The following C12orf42 variants were observed in gnomAD, a reference collection of about 807,000 sequenced individuals.
C12orf42 encodes the protein chromosome 12 open reading frame 42.
A neutral mutation model predicts 21.6 loss-of-function variants in C12orf42; 25 were observed. That is an observed-to-expected ratio of 1.16 (90% CI 0.84 to 1.62). The LOEUF (loss-of-function observed/expected upper bound fraction) is 1.62, where lower values mean the gene tolerates loss of function less well. Ranked by LOEUF, C12orf42 falls within the 40% of genes most tolerant of loss-of-function variation. C12orf42 has a pLI of 0.00. For missense variants in C12orf42, 483 were observed against 459.3 expected (o/e 1.05, Z -0.47); for synonymous variants, 174 against 175.0 (o/e 0.99, Z 0.05).
chr12:103,182,705 G>C, the C12orf42 span, among the ~76,000 whole-genome samples: 1 of 152,034 alleles, frequency 6.6e-6, no homozygotes, highest in Non-Finnish European at 1.5e-5. Context: ...GAAGTTGTTA[G>C]AAATAATACA....
the C12orf42 span, among the ~76,000 whole-genome samples, chr12:103,073,025 G>T: frequency 6.6e-6 from 1 of 152,124 alleles, no homozygotes; most frequent in Non-Finnish European, 1.5e-5. Flanking sequence ...TATGTCCTTT[G>T]CCAGGACATG....
At chr12:103,347,778 C>T (rs1263431045) in intron 4 of C12orf42, among the ~76,000 whole-genome samples, 2 of 152,134 alleles carry the variant, frequency 1.3e-5, no homozygotes, top group African/African-American at 2.4e-5. Context: ...GGAGCCCCAA[C>T]TGACTAAAAA....
At chr12:103,530,626 C>CGGG in the C12orf42 span, among the ~76,000 whole-genome samples, 128 of 150,886 alleles carry the variant, frequency 8.5e-4, no homozygotes, top group South Asian at 2.8e-3. Flanking sequence ...GGCAAGTGTT[C>CGGG]GGGGGGGGAA....
At chr12:103,163,739 C>A in the C12orf42 span, among the ~76,000 whole-genome samples, 1 of 152,114 alleles carries the variant, frequency 6.6e-6, no homozygotes, top group Non-Finnish European at 1.5e-5. Flanking sequence ...TTCATCCCAG[C>A]CCCCAGTGAT....
the C12orf42 span, chr12:103,506,030 C>A: frequency 9.4e-6 from 2 of 212,826 alleles, no homozygotes; most frequent in South Asian, 8.5e-5. Context: ...CTTCTGTGGC[C>A]ATCTTGGTTA....
intron 1 of C12orf42, among the ~76,000 whole-genome samples, chr12:103,489,227 G>A (rs761425118): frequency 6.6e-6 from 1 of 152,194 alleles, no homozygotes. Context: ...GTCTGTTGGA[G>A]TTTACTGGAG....
chr12:103,445,289 G>A lies in C12orf42; in HGVS notation c.78+33060C>T, dbSNP rs577922133. 9.1e-4 allele frequency among the ~76,000 whole-genome samples: 138 copies of A among 152,136 alleles called. 1 individual carries two copies. The highest frequency in any genetic ancestry group is 4.6e-3 in the East Asian group (24 of 5,176). ...TTGGTGGGGAAAAATCCCACGTTTTGTCTGTGTTGATTGTTGTGGTGTGAG... is the reference window on the plus strand; with the variant it reads ...TTGGTGGGGAAAAATCCCACGTTTTATCTGTGTTGATTGTTGTGGTGTGAG... On this transcript the variant is annotated intron_variant, in intron 2 of 5. Coordinates refer to ENST00000548883, the MANE Select transcript of C12orf42 (RefSeq NM_198521.5).
In C12orf42 at chr12:103,305,981, T is replaced by C. The variant is rs773897801; in HGVS notation, c.624A>G (p.Lys208=). Residue 208 remains lysine, a synonymous_variant, in exon 5 of 6, where the codon AAA becomes AAG. Coordinates refer to ENST00000548883, the MANE Select transcript of C12orf42 (RefSeq NM_198521.5). The part of the protein sequence containing the change: ...PKGQPLSSPK[K]NSGSAARPST... ...CCACAACATGATACTTACCAGAATT[T>C]TTCTTGGGACTGCTCAAGGGCTGGC... 8.1e-6 allele frequency: 13 copies of C among 1,598,362 alleles called. No homozygotes were observed. Among genetic ancestry groups the C allele is most frequent in the South Asian group, 1.1e-5 (1 of 90,290 alleles).
At chr12:103,177,957 G>C in the C12orf42 span, among the ~76,000 whole-genome samples, 1 of 152,168 alleles carries the variant, frequency 6.6e-6, no homozygotes, top group East Asian at 1.9e-4. Context: ...TTGCAGAAAA[G>C]AATAAAGCGT....
chr12:103,397,442 T>C lies in C12orf42; in HGVS notation c.147+4165A>G, dbSNP rs138443884. On this transcript the variant is annotated intron_variant, in intron 3 of 5. Transcript: ENST00000548883. The stretch of plus-strand genomic sequence containing the variant: ...CCTCCTGTAAGATCAGTGGTGGCAC[T>C]AGATTATCACAGGAGCTCGAACCCT... Among the ~76,000 whole-genome samples the C allele has an allele frequency of 8.6e-3, 1,310 of 152,306 alleles. 37 individuals are homozygous for C. The highest frequency in any genetic ancestry group is 0.035 in the Admixed American group (540 of 15,298).
chr12:103,118,234 C>G, the C12orf42 span, among the ~76,000 whole-genome samples: 1 of 152,196 alleles, frequency 6.6e-6, no homozygotes, highest in African/African-American at 2.4e-5. Context: ...TGATGTCTTT[C>G]TATCTCCGGT....
the C12orf42 span, among the ~76,000 whole-genome samples, chr12:103,168,723 C>T: frequency 2.6e-5 from 4 of 152,212 alleles, no homozygotes; most frequent in East Asian, 7.7e-4. Context: ...ATGTTTATTG[C>T]AGCACTATTC....
At chr12:103,274,128 C>T (rs754027418) in intron 5 of C12orf42, among the ~76,000 whole-genome samples, 28 of 152,156 alleles carry the variant, frequency 1.8e-4, no homozygotes, top group Non-Finnish European at 1.0e-4. Flanking sequence ...CTCACAACAT[C>T]CTAGGAAATA....
At chr12:103,210,567 A>C in the C12orf42 span, among the ~76,000 whole-genome samples, 1 of 139,848 alleles carries the variant, frequency 7.2e-6, no homozygotes, top group African/African-American at 2.7e-5. Flanking sequence ...TATGGGCTAT[A>C]TTGCATTTCA....
chr12:103,203,860 C>T, the C12orf42 span, among the ~76,000 whole-genome samples: 8 of 152,148 alleles, frequency 5.3e-5, no homozygotes, highest in African/African-American at 1.7e-4. Flanking sequence ...AAGATGAGCA[C>T]CCAACATTTT....
intron 4 of C12orf42, among the ~76,000 whole-genome samples, chr12:103,340,919 C>T (rs1371408749): frequency 6.6e-6 from 1 of 152,002 alleles, no homozygotes; most frequent in Non-Finnish European, 1.5e-5. Flanking sequence ...CGAGACCATC[C>T]TGACTAACAT....
chr12:103,109,529 C>T, the C12orf42 span, among the ~76,000 whole-genome samples: 5 of 151,224 alleles, frequency 3.3e-5, no homozygotes, highest in East Asian at 5.8e-4. Context: ...ATGTGAAATG[C>T]GAAACTTTAA....
the C12orf42 span, among the ~76,000 whole-genome samples, chr12:103,210,931 C>G: frequency 6.6e-6 from 1 of 152,038 alleles, no homozygotes; most frequent in Non-Finnish European, 1.5e-5. Context: ...TTCGAGTAGG[C>G]AGAGCTATGA....
At chr12:103,334,245 G>A (rs926515221) in intron 4 of C12orf42, among the ~76,000 whole-genome samples, 3 of 152,102 alleles carry the variant, frequency 2.0e-5, no homozygotes, top group East Asian at 1.9e-4. Flanking sequence ...GGAGATTGGC[G>A]TATCCTGAGT....
Sources: gnomAD v4.1 joint callset for allele counts (sites outside exome capture counted in the v4.1 genomes callset) on GRCh38, gnomAD v4.1.1 for gene constraint, MANE v1.5 for transcripts, NCBI Gene and HGNC (gene_info 2026-07-23, HGNC 2026-07-21) for gene names.